The following VASH1 variants were observed in gnomAD, a reference collection of about 807,000 sequenced individuals.
VASH1 encodes the protein tubulinyl-Tyr carboxypeptidase 1.
VASH1 carries 16 observed loss-of-function variants against 35.0 expected under a neutral mutation model. The observed-to-expected ratio is 0.46, with a 90% CI of 0.31 to 0.70. The LOEUF is 0.70. Ranked by LOEUF, VASH1 falls within the 30% of genes least tolerant of loss-of-function variation. VASH1 has a pLI of 0.05. For missense variants in VASH1, 505 were observed against 510.7 expected (o/e 0.99, Z 0.11); for synonymous variants, 214 against 200.9 (o/e 1.07, Z -0.55).
intron 6 of VASH1, among the ~76,000 whole-genome samples, chr14:76,778,419 C>T (rs1344475685): frequency 2.0e-5 from 3 of 152,098 alleles, no homozygotes; most frequent in Non-Finnish European, 4.4e-5. Context: ...TAACTTTGCC[C>T]CCCACCCAAG....
At position 76,778,087 on chromosome 14, in the gene VASH1, C is replaced by T. The variant is rs780124150; in HGVS notation, c.1025+16C>T. On this transcript the variant is annotated intron_variant, in intron 6 of 6. Coordinates refer to ENST00000167106, the MANE Select transcript of VASH1 (RefSeq NM_014909.5). ...GTGAAAGACGGTGAGAGAGGGACCA[C>T]GCCTGGGTGGGTCCAAAGAGGGTTT... 51 of 1,440,258 alleles carry T rather than the reference C, an allele frequency of 3.5e-5. No individual in the cohort carries two copies. The highest frequency in any genetic ancestry group is 1.6e-4 in the South Asian group (11 of 68,412). The allele number at this position is 1,440,258 out of a possible 1,614,324, so 89.2% of individuals were successfully genotyped here.
At chr14:76,774,701 G>A (rs974531263) in intron 4 of VASH1, 2 of 152,378 alleles carry the variant, frequency 1.3e-5, no homozygotes, top group South Asian at 2.1e-4. Context: ...GCCGGGCTGT[G>A]CATTTCTCAT....
chr14:76,761,544 G>C lies in VASH1; in HGVS notation c.-1278G>C, dbSNP rs1595263978. Among the ~76,000 whole-genome samples the C allele has an allele frequency of 6.6e-6, 1 of 152,046 alleles. No homozygotes were observed. Among genetic ancestry groups the C allele is most frequent in the East Asian group, 1.9e-4 (1 of 5,190 alleles). ...GCGGCAGCGGGGCCCAGGGGCGGCG[G>C]GGCTGCAGCAGCGGCGGCCCCAGCT... On this transcript the variant is annotated 5_prime_UTR_variant, in exon 1 of 7. Coordinates refer to ENST00000167106, the MANE Select transcript of VASH1 (RefSeq NM_014909.5).
At chr14:76,764,958 C>T (rs958354588) in intron 1 of VASH1, among the ~76,000 whole-genome samples, 1 of 152,184 alleles carries the variant, frequency 6.6e-6, no homozygotes, top group African/African-American at 2.4e-5. Context: ...TCCCAAAGTG[C>T]TGGGATTACA....
chr14:76,767,619 G>C (rs116201981), intron 1 of VASH1, among the ~76,000 whole-genome samples: 16 of 152,162 alleles, frequency 1.1e-4, no homozygotes, highest in Non-Finnish European at 2.4e-4. Context: ...AATATTTCCC[G>C]ACTCCTGTTT....
Position 76,777,972 on chromosome 14 carries a change from C to T in VASH1, c.926C>T (p.Thr309Met), listed in dbSNP as rs144360944. The T allele has an allele frequency of 2.9e-5, 45 of 1,531,206 alleles. No individual in the cohort carries two copies. The highest frequency in any genetic ancestry group is 1.3e-4 in the African/African-American group (9 of 71,384). The allele number at this position is 1,531,206 out of a possible 1,614,324, so 94.9% of individuals were successfully genotyped here. A position where few individuals can be genotyped will look rare whatever the true frequency, so the allele number is the denominator to read the frequency against. Residue 309 changes from threonine to methionine, a missense_variant, in exon 6 of 7, where the codon ACG becomes ATG. By Grantham distance (81) the Thr-to-Met change is moderately conservative (BLOSUM62 -1). Transcript: ENST00000167106. The part of the protein sequence containing the change: ...RDMRLKIGKG[T>M]GPPSPTKDRK... ...CTCTGCACCTAGATTGGCAAAGGGA[C>T]GGGCCCTCCCTCTCCCACCAAGGAC...
chr14:76,772,707 C>G (rs1196274505), intron 3 of VASH1, among the ~76,000 whole-genome samples: 1 of 152,246 alleles, frequency 6.6e-6, no homozygotes, highest in South Asian at 2.1e-4. Flanking sequence ...TGGGAGAAGC[C>G]ATGGTTGGGT....
chr14:76,769,190 C>T, intron 1 of VASH1: 3 of 872,732 alleles, frequency 3.4e-6, no homozygotes, highest in Non-Finnish European at 2.8e-6. Context: ...CATCGGGAAA[C>T]ACTGCCTGTT....
chr14:76,778,089 C>T lies in VASH1; in HGVS notation c.1025+18C>T. The T allele has an allele frequency of 7.0e-7, 1 of 1,438,028 alleles. No individual in the cohort carries two copies. Among genetic ancestry groups the T allele is most frequent in the East Asian group, 3.0e-5 (1 of 33,616 alleles). 89.1% of individuals were successfully genotyped at this position (1,438,028 alleles called of 1,614,324 possible). A position where few individuals can be genotyped will look rare whatever the true frequency, so the allele number is the denominator to read the frequency against. On this transcript the variant is annotated intron_variant, in intron 6 of 6. Coordinates refer to ENST00000167106, the MANE Select transcript of VASH1 (RefSeq NM_014909.5). ...GAAAGACGGTGAGAGAGGGACCACG[C>T]CTGGGTGGGTCCAAAGAGGGTTTTT...
At chr14:76,769,935 G>C in intron 1 of VASH1, 28 bp from the exon 2 acceptor site, 2 of 1,610,160 alleles carry the variant, frequency 1.2e-6, no homozygotes, top group African/African-American at 1.3e-5. Flanking sequence ...GCCTCTTCTT[G>C]TGACCGGAGC....
intron 4 of VASH1, chr14:76,774,000 T>G (rs1287170802): frequency 1.3e-5 from 2 of 152,316 alleles, no homozygotes; most frequent in African/African-American, 4.8e-5. Flanking sequence ...CCGTATTCTT[T>G]ACCAGCTTTT....
At chr14:76,776,323 C>A (rs1361753356) in intron 5 of VASH1, 50 bp downstream of exon 5, 10 of 1,483,132 alleles carry the variant, frequency 6.7e-6, no homozygotes, top group Non-Finnish European at 8.9e-6. Flanking sequence ...CCTCCCCCGC[C>A]CCAGCAGAGG....
chr14:76,776,052 C>A lies in VASH1; in HGVS notation c.691C>A (p.Pro231Thr). The A allele has an allele frequency of 6.2e-7, 1 of 1,610,710 alleles. No homozygotes were observed. Among genetic ancestry groups the A allele is most frequent in the Non-Finnish European group, 8.5e-7 (1 of 1,179,560 alleles). The change falls in exon 5 of 7, where the codon CCC (proline) becomes ACC (threonine). Residue 231 changes from proline to threonine, a missense_variant. Pro to Thr is a conservative substitution (Grantham distance 38, BLOSUM62 -1). Coordinates refer to ENST00000167106, the MANE Select transcript of VASH1 (RefSeq NM_014909.5). ...SRREDLMYKP[P>T]AFRTLSELVL... ...GCGCGAGGACCTGATGTACAAGCCG[C>A]CCGCCTTCCGCACGCTCAGCGAGCT...
intron 1 of VASH1, among the ~76,000 whole-genome samples, chr14:76,769,632 C>T (rs2140178122): frequency 6.6e-6 from 1 of 152,324 alleles, no homozygotes; most frequent in South Asian, 2.1e-4. Flanking sequence ...ATTCTTAAGT[C>T]TTGAAACTAA....
rs1893918985 is a variant in VASH1, at chr14:76,775,768, G to A, written c.531-124G>A. On this transcript the variant is annotated intron_variant, in intron 4 of 6. Transcript: ENST00000167106. ...GGAGACGCCAGGCGTATGGAGATGA[G>A]CAGGACTGGTGTCTGCACCCCAAGG... 9 of 1,379,306 alleles carry A rather than the reference G, an allele frequency of 6.5e-6. No individual in the cohort carries two copies. In the South Asian group the frequency reaches 1.2e-4, roughly 18 times the overall value. The allele number at this position is 1,379,306 out of a possible 1,614,324, so 85.4% of individuals were successfully genotyped here.
chr14:76,775,893 T>G lies in VASH1; in HGVS notation c.532T>G (p.Tyr178Asp). 1 of 1,570,320 alleles carries G rather than the reference T, an allele frequency of 6.4e-7. No homozygotes were observed. The highest frequency in any genetic ancestry group is 2.3e-5 in the East Asian group (1 of 43,466). ...TTTCCTTAGCGGGGCACTGGCCAGT[T>G]ACCTCACCAACAGCATGCCCACCCT... ...KCLEAVILGI[Y>D]LTNSMPTLER... The change falls in exon 5 of 7, where the codon TAC (tyrosine) becomes GAC (aspartate). Residue 178 changes from tyrosine (Y) to aspartate (D), a missense_variant and splice_region_variant. By Grantham distance (160) the Tyr-to-Asp change is radical. Transcript: ENST00000167106.
At chr14:76,774,226 G>A (rs1893870443) in intron 4 of VASH1, 2 of 152,184 alleles carry the variant, frequency 1.3e-5, no homozygotes, top group African/African-American at 2.4e-5. Flanking sequence ...GAGGCTGCGG[G>A]TGCCCTTCTC....
At chr14:76,764,816 T>C (rs1446045775) in intron 1 of VASH1, among the ~76,000 whole-genome samples, 1 of 151,802 alleles carries the variant, frequency 6.6e-6, no homozygotes, top group Non-Finnish European at 1.5e-5. Context: ...CTCCTGAGTA[T>C]CTGGGATTGT....
chr14:76,778,819 C>A, intron 6 of VASH1, 127 bp from the exon 7 acceptor site: 1 of 894,008 alleles, frequency 1.1e-6, no homozygotes, highest in South Asian at 1.4e-5. Context: ...ACGCACTGTG[C>A]TGTGCGTTGG....
Sources: gnomAD v4.1 joint callset for allele counts (sites outside exome capture counted in the v4.1 genomes callset) on GRCh38, gnomAD v4.1.1 for gene constraint, MANE v1.5 for transcripts, NCBI Gene and HGNC (gene_info 2026-07-23, HGNC 2026-07-21) for gene names.